MEGF8: variants seen among roughly 807,000 people sequenced by gnomAD.
MEGF8 encodes the protein multiple EGF like domains 8, also known as multiple epidermal growth factor-like domains protein 8.
A neutral mutation model predicts 302.9 loss-of-function variants in MEGF8; 156 were observed. That is an observed-to-expected ratio of 0.52 (90% CI 0.45 to 0.59). The LOEUF is 0.59. MEGF8 is among the 20% of genes least tolerant of loss of function. MEGF8 has a pLI of 0.00. For missense variants in MEGF8, 3,345 were observed against 3,964.5 expected, an observed-to-expected ratio of 0.84 and a Z score of 4.20; for synonymous variants, 1,621 against 1,660.5, an observed-to-expected ratio of 0.98 and a Z score of 0.58.
chr19:42,354,054 G>T lies in MEGF8; in HGVS notation c.4011+30G>T. The T allele has an allele frequency of 6.4e-7, 1 of 1,572,344 alleles. No individual in the cohort carries two copies. Among genetic ancestry groups the T allele is most frequent in the Admixed American group, 1.8e-5 (1 of 55,676 alleles). On this transcript the variant is annotated intron_variant, in intron 22 of 41. Transcript: ENST00000251268. This position sits in a 1 kb window ranked among gnomAD's most constrained non-coding sequence, Gnocchi z 4.3. ...GCACTGAGGAAACGAGGGTTCAGGC[G>T]CATGAGCCAGAACCGTGTCCCCTGA...
In MEGF8 at chr19:42,351,619, C is replaced by G. The variant is rs1236265158; in HGVS notation, c.2988-29C>G. ...ATTCCCCACCGGCAAGGGGCTGGGG[C>G]TCTGACCCCCACCCCTGCCATCCTG... On this transcript the variant is annotated intron_variant, in intron 17 of 41. Coordinates refer to ENST00000251268, the MANE Select transcript of MEGF8 (RefSeq NM_001271938.2). The surrounding 1 kb of genome is among the most constrained non-coding windows in gnomAD (Gnocchi z 5.6). 9 of 1,595,464 alleles carry G rather than the reference C, an allele frequency of 5.6e-6. No individual in the cohort carries two copies. The highest frequency in any genetic ancestry group is 7.7e-6 in the Non-Finnish European group (9 of 1,171,466).
Position 42,337,146 on chromosome 19 carries a change from C to T in MEGF8, c.1453C>T (p.His485Tyr). ...CTACGAAGATGGCATCTTCTTCTACCACCTTGGCTGCCATCAATGGGTGTC... is the reference window on the plus strand; with the variant it reads ...CTACGAAGATGGCATCTTCTTCTACTACCTTGGCTGCCATCAATGGGTGTC... The part of the protein sequence containing the change: ...KCYEDGIFFY[H>Y]LGCHQWVSGA... The change falls in exon 8 of 42, where the codon CAC (histidine) becomes TAC (tyrosine). Residue 485 changes from histidine (H) to tyrosine (Y), a missense_variant. Coordinates refer to ENST00000251268, the MANE Select transcript of MEGF8 (RefSeq NM_001271938.2). The T allele has an allele frequency of 6.2e-7, 1 of 1,614,032 alleles. No homozygotes were observed. Among genetic ancestry groups the T allele is most frequent in the Non-Finnish European group, 8.5e-7 (1 of 1,179,898 alleles).
intron 1 of MEGF8, 62 bp from the exon 2 acceptor site, chr19:42,333,543 T>C (rs1041896517): frequency 6.6e-7 from 1 of 1,524,574 alleles, no homozygotes; most frequent in Non-Finnish European, 9.0e-7. Flanking sequence ...TGTGGGAGGC[T>C]GCAGGGAGGT....
intron 8 of MEGF8, among the ~76,000 whole-genome samples, chr19:42,339,107 T>C (rs954389101): frequency 6.6e-6 from 1 of 152,174 alleles, no homozygotes; most frequent in African/African-American, 2.4e-5. Flanking sequence ...TTGCTGGGAT[T>C]ACAGGCGTGA....
chr19:42,352,920 C>A lies in MEGF8; in HGVS notation c.3351-8C>A. 4 of 1,582,758 alleles carry A rather than the reference C, an allele frequency of 2.5e-6. No individual in the cohort carries two copies. The highest frequency in any genetic ancestry group is 2.3e-5 in the South Asian group (2 of 86,074). Reference sequence around the variant, plus strand: ...GGCGCTTTCCCCACCCCCAACACGGCCCCTCAGGTGCTTGGAGGACTGTGG... The same window carrying A: ...GGCGCTTTCCCCACCCCCAACACGGACCCTCAGGTGCTTGGAGGACTGTGG... On this transcript the variant is annotated splice_polypyrimidine_tract_variant and splice_region_variant and intron_variant, in intron 19 of 41. Transcript: ENST00000251268. This position sits in a 1 kb window ranked among gnomAD's most constrained non-coding sequence, Gnocchi z 4.4.
chr19:42,369,119 A>C lies in MEGF8; in HGVS notation c.6641+117A>C. 4 of 1,327,710 alleles carry C rather than the reference A, an allele frequency of 3.0e-6. No homozygotes were observed. The highest frequency in any genetic ancestry group is 3.0e-6 in the Non-Finnish European group (3 of 983,922). The allele number at this position is 1,327,710 out of a possible 1,614,324, so 82.2% of individuals were successfully genotyped here. A position where few individuals can be genotyped will look rare whatever the true frequency, so the allele number is the denominator to read the frequency against. On this transcript the variant is annotated intron_variant, in intron 37 of 41. Transcript: ENST00000251268. This position sits in a 1 kb window ranked among gnomAD's most constrained non-coding sequence, Gnocchi z 5.7. ...AGAAGAAAAGAAAGCTCGAGGCATG[A>C]AGGCAGTGGGATTGATTCCTGAAGG... is the stretch of plus-strand genomic sequence containing the variant.
intron 9 of MEGF8, 61 bp from the exon 10 acceptor site, chr19:42,343,893 G>A: frequency 6.3e-7 from 1 of 1,579,168 alleles, no homozygotes; most frequent in Non-Finnish European, 8.6e-7. Flanking sequence ...GCCGGCCCAG[G>A]TCTGAGAGGC....
Position 42,356,334 on chromosome 19 carries a change from G to A in MEGF8, c.4504-1G>A. The A allele has an allele frequency of 1.2e-6, 2 of 1,611,238 alleles. No individual in the cohort carries two copies. Among genetic ancestry groups the A allele is most frequent in the Non-Finnish European group, 1.7e-6 (2 of 1,179,062 alleles). Reference sequence around the variant, plus strand: ...TCCCCAATGTCCGCACCCACCCCTAGGACACTGCCAGCCGCTTCCTGCACC... The same window carrying A: ...TCCCCAATGTCCGCACCCACCCCTAAGACACTGCCAGCCGCTTCCTGCACC... On this transcript the variant is annotated splice_acceptor_variant, in intron 25 of 41. Transcript: ENST00000251268. LOFTEE classifies it high-confidence loss of function. The surrounding 1 kb of genome is among the most constrained non-coding windows in gnomAD (Gnocchi z 5.2).
chr19:42,334,973 T>A, intron 3 of MEGF8, 62 bp from the exon 4 acceptor site: 1 of 1,504,292 alleles, frequency 6.6e-7, no homozygotes. Flanking sequence ...CTGTGTCTCC[T>A]TTGTCTCTCT....
In MEGF8 at chr19:42,336,280, C is replaced by T; in HGVS notation, c.1178C>T (p.Ser393Phe). ...GGRPPAATGH[S>F]MVFHAPSRAL... ...CGGCCCCCTGCTGCCACTGGCCACT[C>T]CATGGTGTTCCATGCCCCCTCCCGT... is the stretch of plus-strand genomic sequence containing the variant. Residue 393 changes from serine (S) to phenylalanine (F), a missense_variant, in exon 6 of 42, where the codon TCC becomes TTC. Ser to Phe is a radical substitution (Grantham distance 155). Transcript: ENST00000251268. The surrounding 1 kb of genome is among the most constrained non-coding windows in gnomAD (Gnocchi z 4.8). The T allele has an allele frequency of 2.5e-6, 4 of 1,608,182 alleles. No homozygotes were observed. Among genetic ancestry groups the T allele is most frequent in the Non-Finnish European group, 3.4e-6 (4 of 1,179,800 alleles).
In MEGF8 at chr19:42,353,899, G is replaced by C. The variant is rs546120448; in HGVS notation, c.3886G>C (p.Gly1296Arg). 1.9e-6 allele frequency: 3 copies of C among 1,593,528 alleles called. No individual in the cohort carries two copies. The highest frequency in any genetic ancestry group is 2.6e-6 in the Non-Finnish European group (3 of 1,170,330). Residue 1296 changes from glycine (G) to arginine (R), a missense_variant, in exon 22 of 42, where the codon GGG becomes CGG. Physicochemically the swap from Gly to Arg is moderately radical, Grantham distance 125. Coordinates refer to ENST00000251268, the MANE Select transcript of MEGF8 (RefSeq NM_001271938.2). The surrounding 1 kb of genome is among the most constrained non-coding windows in gnomAD (Gnocchi z 6.1). ...TCCAGGTGGCGGGGCTGCAAGAGCC[G>C]GGCCTGGCCTGTCCTACTGTGTGTG... ...LPPGGGAARA[G>R]PGLSYCVWVV...
chr19:42,343,323 G>C (rs1486541899), intron 8 of MEGF8, among the ~76,000 whole-genome samples, 154 bp from the exon 9 acceptor site: 1 of 152,208 alleles, frequency 6.6e-6, no homozygotes, highest in Non-Finnish European at 1.5e-5. Context: ...AGCTTGTTCA[G>C]GGCCAGGTGG....
Position 42,356,580 on chromosome 19 carries a change from C to A in MEGF8, c.4622+127C>A. On this transcript the variant is annotated intron_variant, in intron 26 of 41. Coordinates refer to ENST00000251268, the MANE Select transcript of MEGF8 (RefSeq NM_001271938.2). The surrounding 1 kb of genome is among the most constrained non-coding windows in gnomAD (Gnocchi z 5.2). ...GGACAGCCCAAAGGATGCTGGGACACTTGTCACAGGAAGCTCACCCGGGGA... is the reference window on the plus strand; with the variant it reads ...GGACAGCCCAAAGGATGCTGGGACAATTGTCACAGGAAGCTCACCCGGGGA... 1 of 965,052 alleles carries A rather than the reference C, an allele frequency of 1.0e-6. No homozygotes were observed. Among genetic ancestry groups the A allele is most frequent in the Non-Finnish European group, 1.5e-6 (1 of 665,308 alleles). The allele number at this position is 965,052 out of a possible 1,614,324, so 59.8% of individuals were successfully genotyped here. A position where few individuals can be genotyped will look rare whatever the true frequency, so the allele number is the denominator to read the frequency against.
intron 8 of MEGF8, among the ~76,000 whole-genome samples, chr19:42,342,502 T>G (rs1019742069): frequency 7.2e-5 from 11 of 152,086 alleles, no homozygotes; most frequent in Non-Finnish European, 1.5e-4. Flanking sequence ...CCGGGCTTGG[T>G]GGCGGGCGCC....
chr19:42,339,137 A>AT (rs1447673259), intron 8 of MEGF8, among the ~76,000 whole-genome samples: 1 of 151,910 alleles, frequency 6.6e-6, no homozygotes, highest in Non-Finnish European at 1.5e-5. Flanking sequence ...CCTGGCCTCC[A>AT]TTTTCTTTAT....
intron 35 of MEGF8, among the ~76,000 whole-genome samples, chr19:42,367,289 T>TC (rs1305725562): frequency 6.6e-6 from 1 of 151,028 alleles, no homozygotes; most frequent in Non-Finnish European, 1.5e-5. Context: ...TTTCTTTCTT[T>TC]CTTTTTTTTT....
chr19:42,354,367 G>GCCCCT lies in MEGF8; in HGVS notation c.4012-221_4012-220insCCCCT. Among the ~76,000 whole-genome samples, 1 of 152,024 alleles carries GCCCCT rather than the reference G, an allele frequency of 6.6e-6. No homozygotes were observed. The highest frequency in any genetic ancestry group is 1.5e-5 in the Non-Finnish European group (1 of 68,012). ...GCCAGGAGCTGCATGTTGAGAAAGG[G>GCCCCT]GCTCAATGCAAGAGTGCCTGATAGA... On this transcript the variant is annotated intron_variant, in intron 22 of 41. Transcript: ENST00000251268. The surrounding 1 kb of genome is among the most constrained non-coding windows in gnomAD (Gnocchi z 4.3).
chr19:42,344,044 G>A lies in MEGF8; in HGVS notation c.1759G>A (p.Ala587Thr). 3 of 1,613,646 alleles carry A rather than the reference G, an allele frequency of 1.9e-6. No homozygotes were observed. Among genetic ancestry groups the A allele is most frequent in the Non-Finnish European group, 2.5e-6 (3 of 1,179,750 alleles). ...CSWCQGACQA[A>T]PPPGTPLGAC... Reference sequence around the variant, plus strand: ...TTGGTGCCAAGGAGCCTGCCAAGCTGCACCCCCTCCTGGGACCCCCTTGGG... The same window carrying A: ...TTGGTGCCAAGGAGCCTGCCAAGCTACACCCCCTCCTGGGACCCCCTTGGG... The change falls in exon 10 of 42, where the codon GCA becomes ACA. Residue 587 changes from alanine to threonine, a missense_variant. Physicochemically the swap from Ala to Thr is moderately conservative, Grantham distance 58. Transcript: ENST00000251268. The surrounding 1 kb of genome is among the most constrained non-coding windows in gnomAD (Gnocchi z 4.5).
chr19:42,348,249 T>TA, intron 12 of MEGF8, 23 bp from the exon 13 acceptor site: 2 of 1,531,184 alleles, frequency 1.3e-6, no homozygotes, highest in Non-Finnish European at 1.8e-6. Context: ...GACTCACACA[T>TA]ACACCCATCC....
Sources: gnomAD v4.1 joint callset for allele counts (sites outside exome capture counted in the v4.1 genomes callset) on GRCh38, gnomAD v4.1.1 for gene constraint, Gnocchi (gnomAD v3.1) non-coding constraint, MANE v1.5 for transcripts, NCBI Gene and HGNC (gene_info 2026-07-23, HGNC 2026-07-21) for gene names.